The following CEMIP2 variants were observed in gnomAD, a reference collection of about 807,000 sequenced individuals.
CEMIP2 encodes the protein cell migration inducing hyaluronidase 2.
A neutral mutation model predicts 146.9 loss-of-function variants in CEMIP2; 79 were observed. The observed-to-expected ratio is 0.54, with a 90% CI of 0.45 to 0.65. CEMIP2 has a LOEUF of 0.65. CEMIP2 is among the 30% of genes least tolerant of loss of function. The pLI, the probability that CEMIP2 is intolerant of heterozygous loss-of-function variation, is 0.00. For synonymous variants in CEMIP2, 601 were observed against 606.3 expected (o/e 0.99, Z 0.13); for missense variants, 1,596 against 1,696.2 (o/e 0.94, Z 1.04).
At chr9:71,732,686 A>ATTTTTTTTTTTTTTTTTTTTTT (rs59985618) in intron 6 of CEMIP2, among the ~76,000 whole-genome samples, 166 bp from the exon 7 acceptor site, 1 of 75,878 alleles carries the variant, frequency 1.3e-5, no homozygotes, top group African/African-American at 6.2e-5. Context: ...GACACGGGGA[A>ATTTTTTTTTTTTTTTTTTTTTT]TTTTTTTTTT....
At chr9:71,759,245 A>G (rs1824553513) in intron 1 of CEMIP2, among the ~76,000 whole-genome samples, 1 of 152,204 alleles carries the variant, frequency 6.6e-6, no homozygotes, top group African/African-American at 2.4e-5. Flanking sequence ...TATAATAAAC[A>G]TCTGTATGCA....
At position 71,685,828 on chromosome 9, in the gene CEMIP2, G is replaced by A. The variant is rs758357850; in HGVS notation, c.3870C>T (p.Ser1290=). 1.9e-6 allele frequency: 3 copies of A among 1,613,848 alleles called. No homozygotes were observed. In the East Asian group the frequency reaches 6.7e-5, roughly 36 times the overall value. The part of the protein sequence containing the change: ...GIPPRSIVLL[S]TRGEIKQLNI... ...TTAACTGCTTTATTTCTCCTCTTGTGCTCAACAGAACAATGGACCTGTATG... is the reference window on the plus strand; with the variant it reads ...TTAACTGCTTTATTTCTCCTCTTGTACTCAACAGAACAATGGACCTGTATG... The change falls in exon 23 of 24, where the codon AGC becomes AGT. Residue 1290 remains serine, a synonymous_variant. Coordinates refer to ENST00000377044, the MANE Select transcript of CEMIP2 (RefSeq NM_013390.3).
intron 18 of CEMIP2, among the ~76,000 whole-genome samples, chr9:71,702,775 A>G (rs1822609341): frequency 6.6e-6 from 1 of 152,194 alleles, no homozygotes; most frequent in Non-Finnish European, 1.5e-5. Flanking sequence ...AGCTAATTAA[A>G]CAAGTATGAC....
At chr9:71,728,316 T>TAC (rs1269263587) in intron 10 of CEMIP2, among the ~76,000 whole-genome samples, 1 of 87,640 alleles carries the variant, frequency 1.1e-5, no homozygotes, top group Non-Finnish European at 2.2e-5. Context: ...TATATATATA[T>TAC]ACGTATATAT....
In CEMIP2 at chr9:71,768,450, C is replaced by G. The variant is rs1426548104; in HGVS notation, c.-106G>C. The G allele has an allele frequency of 6.6e-6, 1 of 152,362 alleles. No homozygotes were observed. The highest frequency in any genetic ancestry group is 1.5e-5 in the Non-Finnish European group (1 of 68,198). 9.4% of individuals were successfully genotyped at this position (152,362 alleles called of 1,614,324 possible). Reference sequence around the variant, plus strand: ...GTCCCTGGCGTCCTCGGGTCCAGATCTCCTCTCCATGGCCAGGAAGCCACT... The same window carrying G: ...GTCCCTGGCGTCCTCGGGTCCAGATGTCCTCTCCATGGCCAGGAAGCCACT... On this transcript the variant is annotated 5_prime_UTR_variant, in exon 1 of 24. Coordinates refer to ENST00000377044, the MANE Select transcript of CEMIP2 (RefSeq NM_013390.3).
At chr9:71,763,187 A>G (rs573100058) in intron 1 of CEMIP2, among the ~76,000 whole-genome samples, 8 of 152,148 alleles carry the variant, frequency 5.3e-5, no homozygotes, top group Admixed American at 1.3e-4. Flanking sequence ...TAACTTTCCA[A>G]ACTTCATTGT....
In CEMIP2 at chr9:71,728,259, ACG is replaced by A. The variant is rs1491350184; in HGVS notation, c.2049+1584_2049+1585del. On this transcript the variant is annotated intron_variant, in intron 10 of 23. Transcript: ENST00000377044. Reference sequence around the variant, plus strand: ...TATATATATATATATATGTATATACACGTATATATATATATATATATGTATAT... The same window carrying A: ...TATATATATATATATATGTATATACATATATATATATATATATATGTATAT... Among the ~76,000 whole-genome samples the A allele has an allele frequency of 4.3e-3, 52 of 11,984 alleles. 5 individuals carry two copies. The highest frequency in any genetic ancestry group is 5.6e-3 in the African/African-American group (31 of 5,528). The allele number at this position is 11,984 out of a possible 152,430, so 7.9% of individuals were successfully genotyped here.
At chr9:71,763,841 T>C (rs1317764418) in intron 1 of CEMIP2, among the ~76,000 whole-genome samples, 3 of 152,260 alleles carry the variant, frequency 2.0e-5, no homozygotes, top group Non-Finnish European at 4.4e-5. Context: ...TTTAAAGACA[T>C]TTTAATAAAA....
intron 16 of CEMIP2, among the ~76,000 whole-genome samples, chr9:71,711,483 T>C (rs567485486): frequency 6.6e-6 from 1 of 151,538 alleles, no homozygotes; most frequent in Admixed American, 6.6e-5. Flanking sequence ...GGTGGGAGGA[T>C]GGCTTGAGCC....
chr9:71,700,539 C>A, intron 19 of CEMIP2, 103 bp downstream of exon 19: 1 of 1,187,680 alleles, frequency 8.4e-7, no homozygotes, highest in African/African-American at 1.5e-5. Context: ...GAGAATTACC[C>A]ACATCAGCTG....
chr9:71,713,945 T>C (rs1822977641), intron 15 of CEMIP2, among the ~76,000 whole-genome samples: 7 of 152,194 alleles, frequency 4.6e-5, no homozygotes, highest in Admixed American at 1.3e-4. Flanking sequence ...CAATGGCTTC[T>C]ATGGGCTAAC....
At position 71,685,042 on chromosome 9, in the gene CEMIP2, A is replaced by T. The variant is rs1046693479; in HGVS notation, c.*155T>A. On this transcript the variant is annotated 3_prime_UTR_variant, in exon 24 of 24. Transcript: ENST00000377044. ...CAACTAGAAGGTGCATGAAGCTGGTATCCAAGCAATAATTTCAAACGCTTT... is the reference window on the plus strand; with the variant it reads ...CAACTAGAAGGTGCATGAAGCTGGTTTCCAAGCAATAATTTCAAACGCTTT... 46 of 651,308 alleles carry T rather than the reference A, an allele frequency of 7.1e-5. No individual in the cohort carries two copies. The highest frequency in any genetic ancestry group is 1.1e-4 in the Non-Finnish European group (46 of 404,148). 40.3% of individuals were successfully genotyped at this position (651,308 alleles called of 1,614,324 possible). A position where few individuals can be genotyped will look rare whatever the true frequency, so the allele number is the denominator to read the frequency against.
Position 71,750,086 on chromosome 9 carries a change from T to C in CEMIP2, c.288A>G (p.Ala96=), listed in dbSNP as rs762215096. The C allele has an allele frequency of 6.2e-7, 1 of 1,613,040 alleles. No homozygotes were observed. Among genetic ancestry groups the C allele is most frequent in the South Asian group, 1.1e-5 (1 of 90,944 alleles). ...FAITSFSFFI[A]LAIILGISSK... ...AGGATATTCCTAAAATGATTGCAAG[T>C]GCAATAAAAAATGAGAAACTAGTAA... The change falls in exon 2 of 24, where the codon GCA becomes GCG. Residue 96 remains alanine, a synonymous_variant. Transcript: ENST00000377044.
intron 2 of CEMIP2, 51 bp downstream of exon 2, chr9:71,749,989 TTCC>T: frequency 6.7e-7 from 1 of 1,483,000 alleles, no homozygotes; most frequent in Non-Finnish European, 9.0e-7. Flanking sequence ...ATTCTACTAT[TTCC>T]TCCTCTTTTG....
rs1554689412 is a variant in CEMIP2, at chr9:71,756,506, TCA to T, written c.-12-6123_-12-6122del. On this transcript the variant is annotated intron_variant, in intron 1 of 23. Coordinates refer to ENST00000377044, the MANE Select transcript of CEMIP2 (RefSeq NM_013390.3). ...CTCTCTCTCTCTCTCTCTCTCTCTCTCACACACACACACACACACACACACAC... is the reference window on the plus strand; with the variant it reads ...CTCTCTCTCTCTCTCTCTCTCTCTCTCACACACACACACACACACACACAC... Among the ~76,000 whole-genome samples, 323 of 112,516 alleles carry T rather than the reference TCA, an allele frequency of 2.9e-3. 1 individual carries two copies. The highest frequency in any genetic ancestry group is 8.5e-3 in the East Asian group (33 of 3,866). The allele number at this position is 112,516 out of a possible 152,430, so 73.8% of individuals were successfully genotyped here.
chr9:71,704,687 G>T lies in CEMIP2; in HGVS notation c.3102C>A (p.Tyr1034Ter). The T allele has an allele frequency of 6.2e-7, 1 of 1,614,132 alleles. No individual in the cohort carries two copies. The highest frequency in any genetic ancestry group is 8.5e-7 in the Non-Finnish European group (1 of 1,180,024). Residue 1034 changes from tyrosine to a stop codon, truncating the protein, a stop_gained, in exon 18 of 24, where the codon TAC becomes TAA. Transcript: ENST00000377044. LOFTEE classifies it high-confidence loss of function. ...CCTTCTCCAGCATGACGACAGGCTGGTACTGTGGAAAGGCAGCCTTCTGAT... is the reference window on the plus strand; with the variant it reads ...CCTTCTCCAGCATGACGACAGGCTGTTACTGTGGAAAGGCAGCCTTCTGAT... Reference protein sequence around the residue: ...GINQKAAFPQYQPVVMLEKGY... With the variant: ...GINQKAAFPQ
chr9:71,747,076 T>C (rs1036253186), intron 2 of CEMIP2, among the ~76,000 whole-genome samples: 1 of 152,192 alleles, frequency 6.6e-6, no homozygotes, highest in African/African-American at 2.4e-5. Flanking sequence ...ATAGGTATTA[T>C]AATAACAAAA....
intron 5 of CEMIP2, among the ~76,000 whole-genome samples, chr9:71,739,597 G>A (rs1297354785): frequency 6.6e-6 from 1 of 150,962 alleles, no homozygotes. Flanking sequence ...GCCAAGCCCA[G>A]AAGATTGTTT....
intron 22 of CEMIP2, chr9:71,686,210 A>C: frequency 5.2e-6 from 1 of 192,822 alleles, no homozygotes; most frequent in East Asian, 1.4e-4. Flanking sequence ...GCCACCCCAC[A>C]ACACTTGCAT....
Sources: gnomAD v4.1 joint callset for allele counts (sites outside exome capture counted in the v4.1 genomes callset) on GRCh38, gnomAD v4.1.1 for gene constraint, MANE v1.5 for transcripts, NCBI Gene and HGNC (gene_info 2026-07-23, HGNC 2026-07-21) for gene names.